The following ACLY variants were observed in gnomAD, a reference collection of about 807,000 sequenced individuals.
ACLY encodes the protein ATP-citrate synthase.
In ACLY, 41 loss-of-function variants were observed where a neutral mutation model predicts 133.0. That is an observed-to-expected ratio of 0.31 (90% CI 0.24 to 0.40). ACLY has a LOEUF of 0.40. Among genes scored for constraint, ACLY ranks in the 10% least tolerant of loss-of-function variants. ACLY has a pLI of 1.00. For synonymous variants in ACLY, 495 were observed against 549.3 expected (o/e 0.90, Z 1.38); for missense variants, 1,046 against 1,453.8 (o/e 0.72, Z 4.56).
intron 1 of ACLY, among the ~76,000 whole-genome samples, chr17:41,926,058 T>A (rs2050239996): frequency 6.6e-6 from 1 of 152,120 alleles, no homozygotes; most frequent in South Asian, 2.1e-4. Context: ...TTGGCCAGCC[T>A]GGTCTTGAAC....
At chr17:41,925,076 C>A (rs1056180813) in intron 1 of ACLY, among the ~76,000 whole-genome samples, 3 of 151,408 alleles carry the variant, frequency 2.0e-5, no homozygotes, top group Non-Finnish European at 4.4e-5. Context: ...CACTCTTTTG[C>A]CCAGGCTGGA....
intron 7 of ACLY, 148 bp downstream of exon 7, chr17:41,907,294 T>G (rs2049748694): frequency 3.5e-5 from 12 of 346,642 alleles, no homozygotes; most frequent in Non-Finnish European, 4.3e-5. Flanking sequence ...CCCACCCCAT[T>G]GAGGTTTTAA....
At chr17:41,896,049 T>C (rs559457007) in intron 14 of ACLY, among the ~76,000 whole-genome samples, 1 of 152,242 alleles carries the variant, frequency 6.6e-6, no homozygotes, top group South Asian at 2.1e-4. Flanking sequence ...CGCTTCCGTC[T>C]ACCTCCTTCT....
chr17:41,878,573 AG>A (rs1462631302), intron 21 of ACLY, among the ~76,000 whole-genome samples: 7 of 152,194 alleles, frequency 4.6e-5, no homozygotes, highest in Admixed American at 6.5e-5. Context: ...AGGTAGGCTC[AG>A]AAACTCAACA....
intron 7 of ACLY, 29 bp downstream of exon 7, chr17:41,907,413 T>C (rs2049753122): frequency 1.9e-6 from 3 of 1,594,040 alleles, no homozygotes; most frequent in Non-Finnish European, 2.6e-6. Context: ...CTCCCCCCAG[T>C]CCCCATCTCC....
rs533387140 is a variant in ACLY, at chr17:41,889,524, CAAA to C, written c.1771-1824_1771-1822del. Among the ~76,000 whole-genome samples the C allele has an allele frequency of 4.7e-4, 15 of 31,600 alleles. No homozygotes were observed. In the East Asian group the frequency reaches 6.0e-3, roughly 13 times the overall value. 20.7% of individuals were successfully genotyped at this position (31,600 alleles called of 152,430 possible). On this transcript the variant is annotated intron_variant, in intron 16 of 28. Transcript: ENST00000352035. Reference sequence around the variant, plus strand: ...GGTGATGGAGAAAGGCTCCATTTCACAAAAAAAAAAAAAAAAAAAAAAAAAAAA... The same window carrying C: ...GGTGATGGAGAAAGGCTCCATTTCACAAAAAAAAAAAAAAAAAAAAAAAAA...
chr17:41,917,551 G>A (rs1223558555), intron 1 of ACLY, among the ~76,000 whole-genome samples: 2 of 152,122 alleles, frequency 1.3e-5, no homozygotes, highest in African/African-American at 4.8e-5. Flanking sequence ...ACACAGCCAG[G>A]GGAAGGGAAT....
Position 41,905,634 on chromosome 17 carries a change from A to G in ACLY, c.891T>C (p.Gly297=), listed in dbSNP as rs111680156. The G allele has an allele frequency of 1.2e-6, 2 of 1,614,020 alleles. No individual in the cohort carries two copies. Among genetic ancestry groups the G allele is most frequent in the Non-Finnish European group, 1.7e-6 (2 of 1,180,006 alleles). The change falls in exon 9 of 29, where the codon GGT becomes GGC. Residue 297 remains glycine, a synonymous_variant. Transcript: ENST00000352035. The stretch of plus-strand genomic sequence containing the variant: ...CCCCATAGTTTGCCAGCTCGTTGAC[A>G]CCCCCTAGATCACAGATGGTATCGC... The part of the protein sequence containing the change: ...VYSDTICDLG[G]VNELANYGEY...
At chr17:41,930,476 C>A in exon 1 of ACLY, 1 of 452,240 alleles carries the variant, frequency 2.2e-6, no homozygotes, top group Non-Finnish European at 4.0e-6. Context: ...GAGCGTGCAA[C>A]AGCAAACACT....
At position 41,886,288 on chromosome 17, in the gene ACLY, C is replaced by A. The variant is rs1555628127; in HGVS notation, c.1896G>T (p.Gly632=). 1.2e-6 allele frequency: 2 copies of A among 1,612,306 alleles called. No individual in the cohort carries two copies. The highest frequency in any genetic ancestry group is 1.7e-6 in the Non-Finnish European group (2 of 1,178,612). Residue 632 remains glycine (G), a synonymous_variant, in exon 18 of 29, where the codon GGG becomes GGT. Coordinates refer to ENST00000352035, the MANE Select transcript of ACLY (RefSeq NM_001096.3). The part of the protein sequence containing the change: ...GPATVGGIKP[G]CFKIGNTGGM... ...CACCTGTGTTGCCAATCTTAAAGCA[C>A]CCAGGCTTGATGCCTCCAACCTGTG...
chr17:41,876,187 C>A (rs1221014836), intron 22 of ACLY, among the ~76,000 whole-genome samples: 228 of 151,508 alleles, frequency 1.5e-3, no homozygotes, highest in African/African-American at 5.1e-3. Flanking sequence ...GCAGCCACCC[C>A]GTCTGGGAAG....
intron 23 of ACLY, among the ~76,000 whole-genome samples, chr17:41,873,537 C>G (rs2048654078): frequency 6.6e-6 from 1 of 152,194 alleles, no homozygotes; most frequent in South Asian, 2.1e-4. Flanking sequence ...CCTTAGGCCA[C>G]CACATCTTTC....
intron 1 of ACLY, among the ~76,000 whole-genome samples, chr17:41,917,343 G>A: frequency 6.6e-6 from 1 of 152,004 alleles, no homozygotes; most frequent in Non-Finnish European, 1.5e-5. Context: ...TAAACCATTT[G>A]GGGGAAATCA....
At chr17:41,912,334 G>A in intron 3 of ACLY, 86 bp downstream of exon 3, 1 of 1,525,272 alleles carries the variant, frequency 6.6e-7, no homozygotes, top group Non-Finnish European at 8.9e-7. Flanking sequence ...CTGGCTGTGG[G>A]GGTGATCCAC....
intron 20 of ACLY, among the ~76,000 whole-genome samples, chr17:41,881,316 G>A (rs2048911022): frequency 6.6e-6 from 1 of 151,260 alleles, no homozygotes; most frequent in Non-Finnish European, 1.5e-5. Context: ...CCAGCTACTT[G>A]GGAGACTGAA....
chr17:41,897,709 G>A (rs1437927509), intron 13 of ACLY, 40 bp downstream of exon 13: 1 of 1,580,238 alleles, frequency 6.3e-7, no homozygotes, highest in Non-Finnish European at 8.6e-7. Flanking sequence ...GGTACCGCAA[G>A]GCCACTCCCT....
chr17:41,890,970 A>T (rs1176072045), intron 16 of ACLY, among the ~76,000 whole-genome samples: 1 of 144,604 alleles, frequency 6.9e-6, no homozygotes, highest in Non-Finnish European at 1.5e-5. Context: ...GCCCTGTCTC[A>T]AAAAAAAAAA....
upstream of ACLY, among the ~76,000 whole-genome samples, chr17:41,921,993 C>T (rs1555635499): frequency 1.3e-5 from 2 of 151,796 alleles, no homozygotes; most frequent in South Asian, 2.1e-4. Flanking sequence ...GCCAGGAGTT[C>T]GAGACCAGCC....
rs534525670 is a variant in ACLY, at chr17:41,910,768, T to G, written c.283-484A>C. ...ACTTCTCCACGCAGACTCTCCTGGC[T>G]GAGGACCACAGGCCTGCAGAGCTAA... On this transcript the variant is annotated intron_variant, in intron 3 of 28. Coordinates refer to ENST00000352035, the MANE Select transcript of ACLY (RefSeq NM_001096.3). Among the ~76,000 whole-genome samples, 8 of 152,318 alleles carry G rather than the reference T, an allele frequency of 5.3e-5. No homozygotes were observed. In the East Asian group the frequency reaches 1.4e-3, roughly 26 times the overall value.
Sources: gnomAD v4.1 joint callset for allele counts (sites outside exome capture counted in the v4.1 genomes callset) on GRCh38, gnomAD v4.1.1 for gene constraint, MANE v1.5 for transcripts, NCBI Gene and HGNC (gene_info 2026-07-23, HGNC 2026-07-21) for gene names.